ADNP2: variants seen among roughly 807,000 people sequenced by gnomAD.
ADNP2 encodes the protein ADNP homeobox 2.
Under a neutral mutation model 16.4 loss-of-function variants are expected in ADNP2, and 8 were observed. The observed-to-expected ratio is 0.49, with a 90% CI of 0.29 to 0.88. ADNP2 has a LOEUF of 0.88. Among genes scored for constraint, ADNP2 ranks in the 40% least tolerant of loss-of-function variants. ADNP2 has a pLI of 0.09. For missense variants in ADNP2, 1,397 were observed against 1,395.1 expected, an observed-to-expected ratio of 1.00 and a Z score of -0.02; for synonymous variants, 637 against 545.8, an observed-to-expected ratio of 1.17 and a Z score of -2.33.
intron 2 of ADNP2, among the ~76,000 whole-genome samples, chr18:80,122,919 G>A (rs11081591): frequency 0.85 from 128,564 of 152,130 alleles, 54,451 homozygotes; most frequent in Non-Finnish European, 0.87. Flanking sequence ...GTCTTTTACC[G>A]TTGAATATGA....
intron 2 of ADNP2, among the ~76,000 whole-genome samples, chr18:80,118,775 G>A (rs4798941): frequency 0.42 from 64,570 of 152,010 alleles, 15,055 homozygotes; most frequent in African/African-American, 0.61. Context: ...GTTCTTCACG[G>A]CTGTTTACTT....
At chr18:80,121,636 A>T in intron 2 of ADNP2, among the ~76,000 whole-genome samples, 1 of 152,224 alleles carries the variant, frequency 6.6e-6, no homozygotes, top group South Asian at 2.1e-4. Flanking sequence ...ATTTTCTCCT[A>T]TGTTTTTCCT....
intron 1 of ADNP2, among the ~76,000 whole-genome samples, chr18:80,113,244 A>C (rs898534900): frequency 6.6e-6 from 1 of 152,242 alleles, no homozygotes; most frequent in Non-Finnish European, 1.5e-5. Context: ...CCAGTTCTAC[A>C]ATGCTAATGA....
At position 80,138,744 on chromosome 18, in the gene ADNP2, T is replaced by C. The variant is rs1337998805; in HGVS notation, c.3331T>C (p.Leu1111=). 1.2e-6 allele frequency: 2 copies of C among 1,602,394 alleles called. No individual in the cohort carries two copies. Among genetic ancestry groups the C allele is most frequent in the Non-Finnish European group, 1.7e-6 (2 of 1,177,398 alleles). The change falls in exon 4 of 4, where the codon TTA becomes CTA. Residue 1111 remains leucine (L), a synonymous_variant. Coordinates refer to ENST00000262198, the MANE Select transcript of ADNP2 (RefSeq NM_014913.4). The stretch of plus-strand genomic sequence containing the variant: ...AAAAAATCACAAGCCTTCTGTACTT[T>C]TAGGCTTTGATATGTCTGAACTTAA... ...AIKNHKPSVL[L]GFDMSELKNV...
chr18:80,133,449 T>G (rs1335191187), intron 3 of ADNP2, among the ~76,000 whole-genome samples: 1 of 152,246 alleles, frequency 6.6e-6, no homozygotes, highest in African/African-American at 2.4e-5. Context: ...AAGATATCAT[T>G]GCTGTAAGAA....
rs1415781585 is a variant in ADNP2, at chr18:80,117,585, G to C, written c.43G>C (p.Val15Leu). 3 of 1,603,668 alleles carry C rather than the reference G, an allele frequency of 1.9e-6. No individual in the cohort carries two copies. In the East Asian group the frequency reaches 6.7e-5, roughly 36 times the overall value. ...GGAAAATCTTGACAACATCAGAAAGGTGCGAAAAAAGGTGAAAGGTATTCT... is the reference window on the plus strand; with the variant it reads ...GGAAAATCTTGACAACATCAGAAAGCTGCGAAAAAAGGTGAAAGGTATTCT... ...PVENLDNIRKVRKKVKGILVD... is the reference protein window; with the variant it reads ...PVENLDNIRKLRKKVKGILVD... Residue 15 changes from valine (V) to leucine (L), a missense_variant, in exon 2 of 4, where the codon GTG (valine) becomes CTG (leucine). Physicochemically the swap from Val to Leu is conservative, Grantham distance 32. Transcript: ENST00000262198.
intron 2 of ADNP2, among the ~76,000 whole-genome samples, chr18:80,119,020 G>A (rs8091989): frequency 0.16 from 24,977 of 152,012 alleles, 2,866 homozygotes; most frequent in East Asian, 0.48. Context: ...TAAGACTCAC[G>A]CGTAAACCAT....
Position 80,139,220 on chromosome 18 carries a change from C to G in ADNP2, c.*411C>G, listed in dbSNP as rs578064718. The G allele has an allele frequency of 6.3e-6, 1 of 158,324 alleles. No homozygotes were observed. Among genetic ancestry groups the G allele is most frequent in the Non-Finnish European group, 1.4e-5 (1 of 72,608 alleles). 9.8% of individuals were successfully genotyped at this position (158,324 alleles called of 1,614,324 possible). On this transcript the variant is annotated 3_prime_UTR_variant, in exon 4 of 4. Coordinates refer to ENST00000262198, the MANE Select transcript of ADNP2 (RefSeq NM_014913.4). ...TGCGAGTGGAAGCATCGATCTCCTT[C>G]AGCTTTCCCTGTAGCAGCAGATGGT...
At chr18:80,117,491 A>G in intron 1 of ADNP2, 39 bp from the exon 2 acceptor site, 2 of 1,300,956 alleles carry the variant, frequency 1.5e-6, no homozygotes, top group Non-Finnish European at 1.1e-6. Flanking sequence ...TGTATTATAT[A>G]CATGTACTTA....
intron 3 of ADNP2, 74 bp downstream of exon 3, chr18:80,133,266 A>T (rs776823091): frequency 3.3e-5 from 40 of 1,196,708 alleles, no homozygotes; most frequent in Non-Finnish European, 4.7e-5. Context: ...TCTAAAGAAC[A>T]TCACATGTAT....
rs2052568184 is a variant in ADNP2, at chr18:80,139,651, C to T, written c.*842C>T. On this transcript the variant is annotated 3_prime_UTR_variant, in exon 4 of 4. Coordinates refer to ENST00000262198, the MANE Select transcript of ADNP2 (RefSeq NM_014913.4). ...TAGAATAAACATTGAAAGAATACAC[C>T]CCAAAACTCTTCTCCTAACTTAACT... 1 of 152,210 alleles carries T rather than the reference C, an allele frequency of 6.6e-6. No individual in the cohort carries two copies. Among genetic ancestry groups the T allele is most frequent in the African/African-American group, 2.4e-5 (1 of 41,278 alleles). 9.4% of individuals were successfully genotyped at this position (152,210 alleles called of 1,614,324 possible).
In ADNP2 at chr18:80,137,469, G is replaced by A. The variant is rs1291138511; in HGVS notation, c.2056G>A (p.Val686Met). 1 of 1,614,212 alleles carries A rather than the reference G, an allele frequency of 6.2e-7. No individual in the cohort carries two copies. The change falls in exon 4 of 4, where the codon GTG becomes ATG. Residue 686 changes from valine (V) to methionine (M), a missense_variant. This residue lies in a region of ADNP2 where 611 missense variants were observed against 648.7 expected (regional missense o/e 0.94). Coordinates refer to ENST00000262198, the MANE Select transcript of ADNP2 (RefSeq NM_014913.4). This position sits in a 1 kb window ranked among gnomAD's most constrained non-coding sequence, Gnocchi z 4.2. The stretch of plus-strand genomic sequence containing the variant: ...CTCCTCTGCAGCAGACACAAACCAG[G>A]TGCTCAAACAGGCCAAGCAGTGGAA... ...ASSSAADTNQ[V>M]LKQAKQWKTC...
chr18:80,119,219 A>G (rs2052408670), intron 2 of ADNP2, among the ~76,000 whole-genome samples: 1 of 152,198 alleles, frequency 6.6e-6, no homozygotes. Context: ...TTCTTAATCC[A>G]CCACAGCAAT....
intron 2 of ADNP2, among the ~76,000 whole-genome samples, chr18:80,120,506 T>C (rs554923850): frequency 5.9e-5 from 9 of 152,100 alleles, no homozygotes; most frequent in Admixed American, 5.2e-4. Flanking sequence ...TAATTTTTTT[T>C]TGTATTTTTT....
intron 2 of ADNP2, among the ~76,000 whole-genome samples, chr18:80,126,308 G>T (rs2052458330): frequency 6.6e-6 from 1 of 151,698 alleles, no homozygotes; most frequent in South Asian, 2.1e-4. Flanking sequence ...ACAATATGTT[G>T]TTACTTTTAT....
At chr18:80,131,165 T>C (rs1323559447) in intron 2 of ADNP2, among the ~76,000 whole-genome samples, 1 of 152,158 alleles carries the variant, frequency 6.6e-6, no homozygotes, top group African/African-American at 2.4e-5. Context: ...GCTGCTGCTG[T>C]GGGAGGTCTC....
intron 2 of ADNP2, among the ~76,000 whole-genome samples, chr18:80,131,747 G>A (rs893695909): frequency 3.3e-5 from 5 of 151,322 alleles, no homozygotes; most frequent in Non-Finnish European, 5.9e-5. Context: ...ACTGTTGCAA[G>A]GACAGAAAAC....
chr18:80,121,916 T>C (rs2052427703), intron 2 of ADNP2, among the ~76,000 whole-genome samples: 2 of 152,118 alleles, frequency 1.3e-5, no homozygotes, highest in Non-Finnish European at 1.5e-5. Flanking sequence ...ATAACAATCC[T>C]ATACTGGTTT....
intron 2 of ADNP2, among the ~76,000 whole-genome samples, chr18:80,121,786 G>A (rs1205159391): frequency 6.6e-6 from 1 of 152,152 alleles, no homozygotes; most frequent in Non-Finnish European, 1.5e-5. Flanking sequence ...GTTTCTTCTA[G>A]AGACTGTTTG....
Sources: allele counts gnomAD v4.1 joint callset (sites outside exome capture counted in the v4.1 genomes callset), GRCh38; gene constraint gnomAD v4.1.1; regional missense constraint gnomAD v4.1.1; non-coding constraint Gnocchi (gnomAD v3.1); transcripts MANE v1.5; gene names NCBI Gene and HGNC (gene_info 2026-07-23, HGNC 2026-07-21).